EYS: variants seen among roughly 807,000 people sequenced by gnomAD.
The protein encoded by EYS is EGF-like photoreceptor maintenance factor.
Under a neutral mutation model 282.1 loss-of-function variants are expected in EYS, and 250 were observed. The ratio of observed to expected loss-of-function variants is 0.89; its 90% CI spans 0.80 to 0.98. The LOEUF (loss-of-function observed/expected upper bound fraction) is 0.98, where lower values mean the gene tolerates loss of function less well. EYS is among the 50% of genes least tolerant of loss of function. The probability of loss-of-function intolerance (pLI) is 0.00; values close to 1 mark genes in which losing one functional copy is unlikely to be tolerated. For missense variants in EYS, 4,016 were observed against 3,709.0 expected, an observed-to-expected ratio of 1.08 and a Z score of -2.15; for synonymous variants, 1,355 against 1,282.9, an observed-to-expected ratio of 1.06 and a Z score of -1.20.
chr6:63,906,919 G>A (rs1323760785), intron 35 of EYS, among the ~76,000 whole-genome samples: 1 of 151,484 alleles, frequency 6.6e-6, no homozygotes, highest in African/African-American at 2.4e-5. Flanking sequence ...CCTAAAAAAA[G>A]GACCTGGAGG....
At chr6:64,608,192 T>C (rs1225984420) in intron 24 of EYS, among the ~76,000 whole-genome samples, 1 of 152,128 alleles carries the variant, frequency 6.6e-6, no homozygotes, top group African/African-American at 2.4e-5. Context: ...CATGTTTTCG[T>C]TCATGTATAA....
At chr6:64,729,236 C>T (rs559334424) in intron 22 of EYS, among the ~76,000 whole-genome samples, 2 of 152,260 alleles carry the variant, frequency 1.3e-5, no homozygotes, top group African/African-American at 2.4e-5. Context: ...TCCCTGCCTC[C>T]TATCCTTATC....
In EYS at chr6:64,590,705, C is replaced by T. The variant is rs1278637582; in HGVS notation, c.5162G>A (p.Ser1721Asn). 1 of 1,551,010 alleles carries T rather than the reference C, an allele frequency of 6.4e-7. No individual in the cohort carries two copies. Among genetic ancestry groups the T allele is most frequent in the African/African-American group, 1.4e-5 (1 of 73,104 alleles). The stretch of plus-strand genomic sequence containing the variant: ...TTTACTTTTTTCCATGTCCAATAAG[C>T]TCTCTTGATTTAGTACCTCAGTGGG... ...MGPTEVLNQE[S>N]LLDMEKSKGS... is the part of the protein sequence containing the mutation. Residue 1721 changes from serine (S) to asparagine (N), a missense_variant, in exon 26 of 43, where the codon AGC (serine) becomes AAC (asparagine). Physicochemically the swap from Ser to Asn is conservative, Grantham distance 46. Coordinates refer to ENST00000503581, the MANE Select transcript of EYS (RefSeq NM_001142800.2).
intron 2 of EYS, among the ~76,000 whole-genome samples, chr6:65,572,886 G>A (rs562642750): frequency 6.6e-6 from 1 of 152,208 alleles, no homozygotes; most frequent in East Asian, 1.9e-4. Context: ...CTATTTGCAT[G>A]CTTTCCATTA....
chr6:65,663,847 A>G (rs1038845218), intron 1 of EYS, among the ~76,000 whole-genome samples: 1 of 133,494 alleles, frequency 7.5e-6, no homozygotes, highest in African/African-American at 2.9e-5. Context: ...CGCCCAGCTA[A>G]TTTTTTGTTT....
At chr6:64,303,731 C>T (rs1401523900) in intron 30 of EYS, among the ~76,000 whole-genome samples, 1 of 150,036 alleles carries the variant, frequency 6.7e-6, no homozygotes, top group African/African-American at 2.5e-5. Flanking sequence ...GTCCCAGCTA[C>T]ACGGGAGGCT....
At chr6:65,389,749 A>C (rs924308367) in intron 7 of EYS, among the ~76,000 whole-genome samples, 3 of 152,148 alleles carry the variant, frequency 2.0e-5, no homozygotes, top group East Asian at 1.9e-4. Flanking sequence ...GTAATCAATT[A>C]TGAATTTGGA....
chr6:65,598,592 A>G (rs1313045741), intron 2 of EYS, among the ~76,000 whole-genome samples: 1 of 152,092 alleles, frequency 6.6e-6, no homozygotes, highest in Non-Finnish European at 1.5e-5. Context: ...ATTTGCCAAC[A>G]TACTTTATTT....
chr6:64,384,383 G>T (rs1438886360), intron 29 of EYS, among the ~76,000 whole-genome samples: 1 of 152,020 alleles, frequency 6.6e-6, no homozygotes, highest in African/African-American at 2.4e-5. Flanking sequence ...AAAAATTCCA[G>T]TCAAATATAA....
chr6:63,766,781 G>A (rs189875390), intron 40 of EYS, among the ~76,000 whole-genome samples: 5 of 152,008 alleles, frequency 3.3e-5, no homozygotes, highest in South Asian at 4.2e-4. Context: ...ACCATTTTAT[G>A]TCTCTCAATC....
At chr6:64,632,025 G>T (rs190466174) in intron 22 of EYS, among the ~76,000 whole-genome samples, 56 of 150,784 alleles carry the variant, frequency 3.7e-4, no homozygotes, top group Non-Finnish European at 6.8e-4. Context: ...TAATATAATT[G>T]ATAGGATGTA....
intron 31 of EYS, among the ~76,000 whole-genome samples, chr6:64,154,304 G>A (rs1173881161): frequency 6.6e-6 from 1 of 152,000 alleles, no homozygotes; most frequent in Non-Finnish European, 1.5e-5. Context: ...GCTGGGCGTG[G>A]TGGTACATGC....
At chr6:64,696,369 C>T (rs1329791192) in intron 22 of EYS, among the ~76,000 whole-genome samples, 2 of 152,056 alleles carry the variant, frequency 1.3e-5, no homozygotes, top group Non-Finnish European at 2.9e-5. Flanking sequence ...TATGGAACTA[C>T]ATGAAATGAA....
intron 19 of EYS, among the ~76,000 whole-genome samples, chr6:64,850,087 A>G (rs920316702): frequency 6.6e-6 from 1 of 152,006 alleles, no homozygotes; most frequent in African/African-American, 2.4e-5. Context: ...GATTAATTAT[A>G]TCTTCCATGA....
At chr6:65,400,716 C>A (rs919452127) in intron 7 of EYS, among the ~76,000 whole-genome samples, 8 of 151,872 alleles carry the variant, frequency 5.3e-5, no homozygotes, top group African/African-American at 1.9e-4. Context: ...TCTCATCTAC[C>A]CATATAAATT....
At chr6:65,390,082 A>G (rs934042098) in intron 7 of EYS, among the ~76,000 whole-genome samples, 10 of 152,074 alleles carry the variant, frequency 6.6e-5, no homozygotes, top group Admixed American at 5.3e-4. Context: ...GAAAGAATTT[A>G]AATTAAAGGT....
chr6:64,319,453 G>C (rs952288995), intron 29 of EYS, among the ~76,000 whole-genome samples: 9 of 151,986 alleles, frequency 5.9e-5, no homozygotes, highest in African/African-American at 1.7e-4. Context: ...ACTTCGTTTA[G>C]CAGGAGGAGA....
chr6:64,304,797 T>C (rs1041809381), intron 30 of EYS, among the ~76,000 whole-genome samples: 2 of 152,126 alleles, frequency 1.3e-5, no homozygotes, highest in Non-Finnish European at 2.9e-5. Flanking sequence ...TAAATTATAA[T>C]GGAAAGTAGA....
intron 5 of EYS, among the ~76,000 whole-genome samples, chr6:65,462,186 AT>A (rs1764847222): frequency 6.6e-6 from 1 of 152,154 alleles, no homozygotes; most frequent in African/African-American, 2.4e-5. Flanking sequence ...TCTCAAAGAT[AT>A]GCTGAGTGAA....
Sources: gnomAD v4.1 joint callset for allele counts (sites outside exome capture counted in the v4.1 genomes callset) on GRCh38, gnomAD v4.1.1 for gene constraint, MANE v1.5 for transcripts, NCBI Gene and HGNC (gene_info 2026-07-23, HGNC 2026-07-21) for gene names.